Variants in MYO18B observed in about 807,000 individuals in gnomAD.
MYO18B encodes unconventional myosin-XVIIIb.
MYO18B carries 204 observed loss-of-function variants against 273.0 expected under a neutral mutation model. The ratio of observed to expected loss-of-function variants is 0.75; its 90% CI spans 0.67 to 0.84. MYO18B has a LOEUF of 0.84. MYO18B is among the 40% of genes least tolerant of loss of function. The pLI, the probability that MYO18B is intolerant of heterozygous loss-of-function variation, is 0.00. For synonymous variants in MYO18B, 1,330 were observed against 1,305.7 expected, an observed-to-expected ratio of 1.02 and a Z score of -0.40; for missense variants, 3,212 against 3,287.6, an observed-to-expected ratio of 0.98 and a Z score of 0.56.
rs1164091479 is a variant in MYO18B, at chr22:26,004,986, A to G, written c.6470+131A>G. Reference sequence around the variant, plus strand: ...AAGCATGGTCCTGAAAGTCTGGGGTATAACTCTGCCACTTCCTAGCTGTGT... The same window carrying G: ...AAGCATGGTCCTGAAAGTCTGGGGTGTAACTCTGCCACTTCCTAGCTGTGT... On this transcript the variant is annotated intron_variant, in intron 42 of 43. Transcript: ENST00000335473. 4.4e-5 allele frequency: 52 copies of G among 1,183,052 alleles called. 1 individual carries two copies. Among genetic ancestry groups the G allele is most frequent in the Non-Finnish European group, 5.9e-5 (49 of 835,774 alleles). 73.3% of individuals were successfully genotyped at this position (1,183,052 alleles called of 1,614,324 possible).
At chr22:26,039,469 T>C in the MYO18B span, among the ~76,000 whole-genome samples, 4,101 of 152,258 alleles carry the variant, frequency 0.027, 168 homozygotes, top group East Asian at 0.13. Flanking sequence ...CTTAAAGGCT[T>C]ACACTAGTCT....
chr22:25,855,869 C>T (rs1464004056), intron 21 of MYO18B, among the ~76,000 whole-genome samples: 3 of 150,246 alleles, frequency 2.0e-5, no homozygotes, highest in Non-Finnish European at 3.0e-5. Flanking sequence ...AGGGGAGGTA[C>T]ACATGCATGT....
chr22:25,775,009 A>G (rs1856410372), intron 7 of MYO18B, among the ~76,000 whole-genome samples: 1 of 152,262 alleles, frequency 6.6e-6, no homozygotes, highest in African/African-American at 2.4e-5. Context: ...GTGTGCATGC[A>G]TGCATATAGG....
chr22:25,813,721 C>G (rs1191958421), intron 12 of MYO18B, among the ~76,000 whole-genome samples: 1 of 152,166 alleles, frequency 6.6e-6, no homozygotes, highest in Non-Finnish European at 1.5e-5. Context: ...GCCTAAGGGC[C>G]CCTGCACTGG....
At chr22:25,858,776 T>C (rs2146090644) in intron 21 of MYO18B, among the ~76,000 whole-genome samples, 1 of 152,320 alleles carries the variant, frequency 6.6e-6, no homozygotes, top group African/African-American at 2.4e-5. Flanking sequence ...AGGTGTAATG[T>C]TGACTTACAG....
intron 12 of MYO18B, among the ~76,000 whole-genome samples, chr22:25,814,077 G>C (rs532787711): frequency 5.0e-4 from 76 of 152,240 alleles, no homozygotes; most frequent in Non-Finnish European, 8.8e-4. Context: ...CAGAAGTGGC[G>C]ATGCTGGAAG....
At chr22:26,020,735 C>T (rs533720085) in intron 42 of MYO18B, among the ~76,000 whole-genome samples, 1 of 152,086 alleles carries the variant, frequency 6.6e-6, no homozygotes, top group Non-Finnish European at 1.5e-5. Flanking sequence ...TCTAACAAGA[C>T]CCTGGGACCT....
At chr22:25,912,811 C>T (rs772461179) in intron 33 of MYO18B, among the ~76,000 whole-genome samples, 2 of 152,138 alleles carry the variant, frequency 1.3e-5, no homozygotes, top group South Asian at 4.1e-4. Flanking sequence ...AACCATTCCC[C>T]GGGGTTTGAG....
At chr22:25,978,175 G>A (rs1254655076) in intron 39 of MYO18B, among the ~76,000 whole-genome samples, 2 of 152,188 alleles carry the variant, frequency 1.3e-5, no homozygotes, top group Non-Finnish European at 2.9e-5. Flanking sequence ...TGGGATATCT[G>A]TCTTTCCTAG....
chr22:25,909,441 C>T (rs2092112678), intron 32 of MYO18B, among the ~76,000 whole-genome samples: 1 of 152,216 alleles, frequency 6.6e-6, no homozygotes, highest in Non-Finnish European at 1.5e-5. Flanking sequence ...TTCTCTCCAT[C>T]CTAAACGAAA....
the MYO18B span, among the ~76,000 whole-genome samples, chr22:26,046,437 G>T: frequency 3.3e-5 from 5 of 152,218 alleles, no homozygotes. Context: ...TGTCCTCAAG[G>T]GCACCTCCCA....
At chr22:25,792,076 A>G (rs1027210448) in intron 11 of MYO18B, among the ~76,000 whole-genome samples, 6 of 152,154 alleles carry the variant, frequency 3.9e-5, no homozygotes, top group Non-Finnish European at 8.8e-5. Flanking sequence ...CTCTTGGGTC[A>G]CTTCTCCCAG....
At chr22:26,020,491 G>A (rs1028618017) in intron 42 of MYO18B, among the ~76,000 whole-genome samples, 1 of 152,060 alleles carries the variant, frequency 6.6e-6, no homozygotes, top group African/African-American at 2.4e-5. Flanking sequence ...CTCAATCTGG[G>A]GACTTCTCTA....
At chr22:25,775,991 C>G (rs1236110000) in intron 7 of MYO18B, among the ~76,000 whole-genome samples, 2 of 152,180 alleles carry the variant, frequency 1.3e-5, no homozygotes, top group East Asian at 3.8e-4. Flanking sequence ...CTTTGACAAT[C>G]AATTACATGA....
intron 34 of MYO18B, among the ~76,000 whole-genome samples, chr22:25,935,064 C>T (rs1273363848): frequency 6.6e-6 from 1 of 152,144 alleles, no homozygotes; most frequent in Non-Finnish European, 1.5e-5. Context: ...CTGCCCTGAC[C>T]ATTAATAGTG....
chr22:25,761,850 G>A (rs942727528), intron 2 of MYO18B, among the ~76,000 whole-genome samples: 2 of 152,112 alleles, frequency 1.3e-5, no homozygotes, highest in African/African-American at 4.8e-5. Context: ...TTGGCCAGGC[G>A]TGGTGGCTCA....
intron 27 of MYO18B, among the ~76,000 whole-genome samples, chr22:25,894,281 A>G (rs796644037): frequency 5.9e-5 from 9 of 152,250 alleles, no homozygotes; most frequent in African/African-American, 2.2e-4. Context: ...ATTATCTTGT[A>G]CAAAGTAGTG....
intron 17 of MYO18B, among the ~76,000 whole-genome samples, chr22:25,835,890 G>A (rs527416157): frequency 6.6e-6 from 1 of 152,342 alleles, no homozygotes; most frequent in Non-Finnish European, 1.5e-5. Context: ...GCTGTTGCTG[G>A]TCATGCAAAG....
At chr22:25,773,706 G>A (rs1433244802) in intron 7 of MYO18B, among the ~76,000 whole-genome samples, 2 of 152,132 alleles carry the variant, frequency 1.3e-5, no homozygotes, top group Non-Finnish European at 2.9e-5. Flanking sequence ...CTCGTGATCC[G>A]CCCGCCTCGG....
Sources: gnomAD v4.1 joint callset for allele counts (sites outside exome capture counted in the v4.1 genomes callset) on GRCh38, gnomAD v4.1.1 for gene constraint, MANE v1.5 for transcripts, NCBI Gene and HGNC (gene_info 2026-07-23, HGNC 2026-07-21) for gene names.